RSPO4: variants seen among roughly 807,000 people sequenced by gnomAD.
RSPO4 encodes the protein R-spondin-4.
In RSPO4, 23 loss-of-function variants were observed where a neutral mutation model predicts 24.8. The ratio of observed to expected loss-of-function variants is 0.93; its 90% CI spans 0.67 to 1.31. The LOEUF is 1.31. Among genes scored for constraint, RSPO4 ranks in the 40% most tolerant of loss-of-function variants. The pLI is 0.00. For missense variants in RSPO4, 333 were observed against 316.5 expected (o/e 1.05, Z -0.39); for synonymous variants, 141 against 127.4 (o/e 1.11, Z -0.72).
chr20:967,337 C>A (rs1433712073), intron 2 of RSPO4, 23 bp from the exon 3 acceptor site: 3 of 1,613,434 alleles, frequency 1.9e-6, no homozygotes, highest in Non-Finnish European at 2.5e-6. Flanking sequence ...CAGGGACACC[C>A]CAGGTGAGGG....
At chr20:964,238 C>T (rs962514840) in intron 3 of RSPO4, 118 bp from the exon 4 acceptor site, 48 of 722,014 alleles carry the variant, frequency 6.6e-5, no homozygotes, top group Non-Finnish European at 8.8e-5. Context: ...GAAGACACCA[C>T]TTCCACCTGC....
intron 1 of RSPO4, 40 bp from the exon 2 acceptor site, chr20:968,178 A>G (rs1227055988): frequency 1.9e-6 from 3 of 1,589,434 alleles, no homozygotes; most frequent in African/African-American, 1.3e-5. Context: ...GGAAAGGGAG[A>G]GAGAGATGGT....
chr20:994,082 G>A (rs1985196502), intron 1 of RSPO4, among the ~76,000 whole-genome samples: 1 of 152,194 alleles, frequency 6.6e-6, no homozygotes, highest in Admixed American at 6.5e-5. Flanking sequence ...ATAGAACAGT[G>A]TCTGAAATTG....
intron 4 of RSPO4, among the ~76,000 whole-genome samples, chr20:962,281 C>G (rs1263086537): frequency 6.6e-6 from 1 of 152,164 alleles, no homozygotes; most frequent in Non-Finnish European, 1.5e-5. Context: ...TCCTGGGAAG[C>G]CTCTCTGAGG....
chr20:975,158 G>A (rs1031330844), intron 1 of RSPO4, among the ~76,000 whole-genome samples: 4 of 152,114 alleles, frequency 2.6e-5, no homozygotes, highest in African/African-American at 9.7e-5. Context: ...GTGGAGCAGC[G>A]CTGCTTTGGC....
intron 1 of RSPO4, among the ~76,000 whole-genome samples, chr20:991,129 AG>A (rs1427442522): frequency 6.6e-6 from 1 of 152,168 alleles, no homozygotes; most frequent in African/African-American, 2.4e-5. Flanking sequence ...TTTTAAAAGA[AG>A]GGGTCTCACC....
intron 1 of RSPO4, 151 bp from the exon 2 acceptor site, chr20:968,289 T>C (rs1694144167): frequency 2.9e-6 from 2 of 690,648 alleles, no homozygotes; most frequent in Admixed American, 2.3e-5. Flanking sequence ...CCCTTACAAC[T>C]AGATATGGTC....
Position 967,093 on chromosome 20 carries a change from AG to A in RSPO4, c.409+80del, listed in dbSNP as rs552784361. 7.2e-5 allele frequency: 102 copies of A among 1,411,960 alleles called. No individual in the cohort carries two copies. In the African/African-American group the frequency reaches 1.3e-3, roughly 18 times the overall value. The allele number at this position is 1,411,960 out of a possible 1,614,324, so 87.5% of individuals were successfully genotyped here. On this transcript the variant is annotated intron_variant, in intron 3 of 4. Transcript: ENST00000217260. ...ATGGCATTCTACTGTAATTTCTTCC[AG>A]GGCCCCTAACATCTCTCACCAAGCC...
intron 1 of RSPO4, among the ~76,000 whole-genome samples, chr20:1,001,726 C>T (rs1985469422): frequency 6.6e-6 from 1 of 152,168 alleles, no homozygotes; most frequent in Admixed American, 6.5e-5. Context: ...CTTGGAATGG[C>T]TTCTACGCCA....
intron 1 of RSPO4, among the ~76,000 whole-genome samples, chr20:969,215 C>T (rs1490876395): frequency 3.3e-5 from 5 of 152,226 alleles, no homozygotes; most frequent in Non-Finnish European, 7.3e-5. Context: ...ACTTGGGAGG[C>T]TAAGGTGGGA....
rs778172232 is a variant in RSPO4 at position 963,848 on chromosome 20, A to C, written c.595+87T>G. ...GGTGGCCTTTCAGGCAGTCTCATAG[A>C]TACTATTTGTGGGGCAGTGATCTGA... On this transcript the variant is annotated intron_variant, in intron 4 of 4. Coordinates refer to ENST00000217260, the MANE Select transcript of RSPO4 (RefSeq NM_001029871.4). 1.3e-5 allele frequency: 17 copies of C among 1,348,758 alleles called. 1 individual carries two copies. The highest frequency in any genetic ancestry group is 1.5e-5 in the Non-Finnish European group (14 of 946,206). The allele number at this position is 1,348,758 out of a possible 1,614,324, so 83.5% of individuals were successfully genotyped here. A position where few individuals can be genotyped will look rare whatever the true frequency, so the allele number is the denominator to read the frequency against.
intron 1 of RSPO4, among the ~76,000 whole-genome samples, chr20:987,715 C>T (rs1214103136): frequency 6.6e-6 from 1 of 152,134 alleles, no homozygotes; most frequent in African/African-American, 2.4e-5. Flanking sequence ...TGCTTGAGCC[C>T]AAGAGGTCAA....
At chr20:996,102 G>A (rs1331159437) in intron 1 of RSPO4, among the ~76,000 whole-genome samples, 1 of 152,218 alleles carries the variant, frequency 6.6e-6, no homozygotes, top group Non-Finnish European at 1.5e-5. Context: ...GCTAAGAAGA[G>A]TGGAGTACAT....
Position 959,420 on chromosome 20 carries a change from G to A in RSPO4, c.*937C>T. 1 of 152,584 alleles carries A rather than the reference G, an allele frequency of 6.6e-6. No individual in the cohort carries two copies. The highest frequency in any genetic ancestry group is 1.5e-5 in the Non-Finnish European group (1 of 68,214). 9.5% of individuals were successfully genotyped at this position (152,584 alleles called of 1,614,324 possible). On this transcript the variant is annotated 3_prime_UTR_variant, in exon 5 of 5. Transcript: ENST00000217260. ...TTCTCAGACCTGTTTCCCCACATGG[G>A]CAGGAAGCGCTGAGGTGGGGAACAG...
intron 1 of RSPO4, among the ~76,000 whole-genome samples, chr20:976,727 G>A (rs112128015): frequency 8.5e-5 from 13 of 152,124 alleles, no homozygotes; most frequent in East Asian, 1.9e-4. Context: ...AGGCAAGCTC[G>A]TCTCCTCAGT....
rs774111255 is a variant in RSPO4 at position 967,212 on chromosome 20, G to A, written c.371C>T (p.Pro124Leu). The change falls in exon 3 of 5, where the codon CCG (proline) becomes CTG (leucine). Residue 124 changes from proline (P) to leucine (L), a missense_variant. Physicochemically the swap from Pro to Leu is moderately conservative, Grantham distance 98. Transcript: ENST00000217260. Reference protein sequence around the residue: ...YKGKCLPTCPPGTLAHQNTRE... With the variant: ...YKGKCLPTCPLGTLAHQNTRE... The stretch of plus-strand genomic sequence containing the variant: ...TGTGTTCTGGTGGGCCAAAGTGCCC[G>A]GCGGGCAGGTGGGCAGACACTTCCC... The A allele has an allele frequency of 1.3e-5, 21 of 1,614,026 alleles. No individual in the cohort carries two copies. Among genetic ancestry groups the A allele is most frequent in the South Asian group, 7.7e-5 (7 of 91,092 alleles).
chr20:990,464 T>G (rs1985061533), intron 1 of RSPO4, among the ~76,000 whole-genome samples: 1 of 150,200 alleles, frequency 6.7e-6, no homozygotes, highest in Non-Finnish European at 1.5e-5. Context: ...CTTTTCTTTT[T>G]CCTTCCTTCC....
At chr20:986,214 G>C (rs953416766) in intron 1 of RSPO4, among the ~76,000 whole-genome samples, 4 of 152,164 alleles carry the variant, frequency 2.6e-5, no homozygotes, top group Non-Finnish European at 5.9e-5. Flanking sequence ...GCCACACGTG[G>C]GAGAAAGGGG....
Position 960,004 on chromosome 20 carries a change from T to G in RSPO4, c.*353A>C. 2.8e-6 allele frequency: 1 copy of G among 361,074 alleles called. No individual in the cohort carries two copies. The highest frequency in any genetic ancestry group is 6.1e-5 in the East Asian group (1 of 16,264). 22.4% of individuals were successfully genotyped at this position (361,074 alleles called of 1,614,324 possible). ...GAGGGCACAGGCTCATGGTCCCTCTTAAAGTGTGTGTGAGAGGGAGACAAG... is the reference window on the plus strand; with the variant it reads ...GAGGGCACAGGCTCATGGTCCCTCTGAAAGTGTGTGTGAGAGGGAGACAAG... On this transcript the variant is annotated 3_prime_UTR_variant, in exon 5 of 5. Coordinates refer to ENST00000217260, the MANE Select transcript of RSPO4 (RefSeq NM_001029871.4).
Sources: gnomAD v4.1 joint callset for allele counts (sites outside exome capture counted in the v4.1 genomes callset) on GRCh38, gnomAD v4.1.1 for gene constraint, MANE v1.5 for transcripts, NCBI Gene and HGNC (gene_info 2026-07-23, HGNC 2026-07-21) for gene names.